MACF1: variants seen among roughly 807,000 people sequenced by gnomAD.
MACF1 encodes the protein microtubule actin crosslinking factor 1.
In MACF1, 193 loss-of-function variants were observed where a neutral mutation model predicts 854.8. The observed-to-expected ratio is 0.23, with a 90% CI of 0.20 to 0.25. MACF1 has a LOEUF of 0.25. Ranked by LOEUF, MACF1 falls within the 10% of genes least tolerant of loss-of-function variation. The pLI, the probability that MACF1 is intolerant of heterozygous loss-of-function variation, is 1.00. For missense variants in MACF1, 7,722 were observed against 8,929.1 expected (o/e 0.86, Z 5.45); for synonymous variants, 3,185 against 3,226.7 (o/e 0.99, Z 0.44).
rs1644433423 is a variant in MACF1, at chr1:39,204,959, G to C, written c.-64G>C. ...AGGACAACAGTAACCTCAGGAGAAA[G>C]GCATCCAGAGGCCTGCGCTGAGCTT... On this transcript the variant is annotated 5_prime_UTR_variant, in exon 1 of 101. Transcript: ENST00000564288. The C allele has an allele frequency of 1.1e-5, 8 of 699,050 alleles. No homozygotes were observed. In the Admixed American group the frequency reaches 1.6e-4, roughly 14 times the overall value. 43.3% of individuals were successfully genotyped at this position (699,050 alleles called of 1,614,324 possible).
chr1:39,412,070 G>T lies in MACF1; in HGVS notation c.15817-10304G>T, dbSNP rs751364498. 2 of 1,613,986 alleles carry T rather than the reference G, an allele frequency of 1.2e-6. 1 individual carries two copies. Among genetic ancestry groups the T allele is most frequent in the South Asian group, 2.2e-5 (2 of 91,078 alleles). The stretch of plus-strand genomic sequence containing the variant: ...TCACTGGAAAAGCTGGACCCAGGAG[G>T]ACTGCTGAACTCTGATCACAGGGTT... On this transcript the variant is annotated intron_variant, in intron 58 of 100. Coordinates refer to ENST00000564288, the MANE Select transcript of MACF1 (RefSeq NM_001394062.1).
intron 1 of MACF1, among the ~76,000 whole-genome samples, chr1:39,222,056 A>G (rs1340838577): frequency 6.6e-6 from 1 of 152,212 alleles, no homozygotes. Flanking sequence ...TGTAATAGCC[A>G]TACTGTTCCC....
intron 2 of MACF1, among the ~76,000 whole-genome samples, chr1:39,180,151 T>C (rs187657634): frequency 3.3e-5 from 5 of 152,270 alleles, no homozygotes; most frequent in Non-Finnish European, 5.9e-5. Flanking sequence ...CAAATTTAAG[T>C]AAAAAGTATT....
chr1:39,147,845 G>A (rs544870113), intron 2 of MACF1, among the ~76,000 whole-genome samples: 29 of 152,240 alleles, frequency 1.9e-4, no homozygotes, highest in African/African-American at 7.0e-4. Context: ...TTGTTTCCTG[G>A]CTAGACTCAC....
chr1:39,295,100 A>G lies in MACF1; in HGVS notation c.2209A>G (p.Thr737Ala), dbSNP rs777688339. ...GGATGTGTTTCGTTCTCTACAAGAT[A>G]CAGCAGAACTACTTTCACTTGAGAA... ...KQDVFRSLQD[T>A]AELLSLENHP... Residue 737 changes from threonine to alanine, a missense_variant, in exon 19 of 101, where the codon ACA (threonine) becomes GCA (alanine). By Grantham distance (58) the Thr-to-Ala change is moderately conservative. Coordinates refer to ENST00000564288, the MANE Select transcript of MACF1 (RefSeq NM_001394062.1). The G allele has an allele frequency of 6.2e-7, 1 of 1,614,156 alleles. No homozygotes were observed. The highest frequency in any genetic ancestry group is 1.1e-5 in the South Asian group (1 of 91,080).
At chr1:39,234,709 T>C (rs1571205566) in intron 2 of MACF1, among the ~76,000 whole-genome samples, 2 of 117,196 alleles carry the variant, frequency 1.7e-5, no homozygotes, top group South Asian at 3.3e-4. Flanking sequence ...ACTTCCCAGA[T>C]GGGGCGGCTG....
chr1:39,442,360 G>C lies in MACF1; in HGVS notation c.18948+40G>C, dbSNP rs780443381. On this transcript the variant is annotated intron_variant, in intron 76 of 100. Coordinates refer to ENST00000564288, the MANE Select transcript of MACF1 (RefSeq NM_001394062.1). Reference sequence around the variant, plus strand: ...AGATGACATCAGTGAACTACTCTCCGCTCTTTTCTAATTTCGTATTGAATA... The same window carrying C: ...AGATGACATCAGTGAACTACTCTCCCCTCTTTTCTAATTTCGTATTGAATA... 1.9e-6 allele frequency: 3 copies of C among 1,604,114 alleles called. No individual in the cohort carries two copies. In the African/African-American group the frequency reaches 4.0e-5, roughly 22 times the overall value.
chr1:39,282,479 T>C, intron 7 of MACF1, 105 bp downstream of exon 7: 1 of 1,243,476 alleles, frequency 8.0e-7, no homozygotes, highest in Non-Finnish European at 1.1e-6. Context: ...ATCAAAGCTT[T>C]GATTCATTTG....
intron 99 of MACF1, 53 bp downstream of exon 99, chr1:39,481,083 C>T: frequency 9.1e-7 from 1 of 1,098,786 alleles, no homozygotes; most frequent in East Asian, 2.6e-5. Context: ...GCCCTCGCTA[C>T]TGGACTTGAC....
At chr1:39,153,056 TG>T in intron 2 of MACF1, among the ~76,000 whole-genome samples, 1 of 152,160 alleles carries the variant, frequency 6.6e-6, no homozygotes, top group East Asian at 1.9e-4. Flanking sequence ...TTGATGGAGT[TG>T]ATGAGAGAAA....
At chr1:39,203,672 A>G (rs1644417623), upstream of MACF1, among the ~76,000 whole-genome samples, 2 of 152,216 alleles carry the variant, frequency 1.3e-5, no homozygotes, top group Non-Finnish European at 2.9e-5. Context: ...TTTTCTAGAA[A>G]GTTATATAAA....
chr1:39,269,235 C>T (rs1557554338), intron 6 of MACF1: 1 of 1,289,924 alleles, frequency 7.8e-7, no homozygotes, highest in African/African-American at 1.5e-5. Context: ...TGTGTTGCTG[C>T]CTTTGCAAGG....
chr1:39,256,499 A>G (rs1329182323), intron 5 of MACF1, among the ~76,000 whole-genome samples: 1 of 152,198 alleles, frequency 6.6e-6, no homozygotes, highest in Admixed American at 6.5e-5. Context: ...GGTCCTCTGG[A>G]GACACACAAG....
chr1:39,268,708 C>A (rs999257907), intron 6 of MACF1: 29 of 1,278,138 alleles, frequency 2.3e-5, no homozygotes, highest in Non-Finnish European at 2.9e-5. Flanking sequence ...ATGGGAAATT[C>A]ACTGGGCTGT....
chr1:39,467,752 G>A (rs150744693), intron 95 of MACF1: 1 of 152,282 alleles, frequency 6.6e-6, no homozygotes, highest in Non-Finnish European at 1.5e-5. Context: ...AAACTTTTCT[G>A]CTGGTGACAC....
At chr1:39,137,927 A>C (rs1007783236) in intron 2 of MACF1, among the ~76,000 whole-genome samples, 1 of 151,990 alleles carries the variant, frequency 6.6e-6, no homozygotes, top group Non-Finnish European at 1.5e-5. Flanking sequence ...TACAGAAATT[A>C]GCCGGGCATG....
In MACF1 at chr1:39,333,287, A is replaced by G. The variant is rs771626175; in HGVS notation, c.6699A>G (p.Thr2233=). The G allele has an allele frequency of 1.2e-6, 2 of 1,614,110 alleles. No individual in the cohort carries two copies. The highest frequency in any genetic ancestry group is 1.1e-5 in the South Asian group (1 of 91,070). The change falls in exon 37 of 101, where the codon ACA becomes ACG. Residue 2233 remains threonine (T), a synonymous_variant. Coordinates refer to ENST00000564288, the MANE Select transcript of MACF1 (RefSeq NM_001394062.1). ...PLDKKEMLKK[T]FLAKDDHKES... The stretch of plus-strand genomic sequence containing the variant: ...ACAAAAAGGAAATGTTAAAGAAAAC[A>G]TTTCTGGCTAAGGATGACCATAAAG...
intron 68 of MACF1, 100 bp downstream of exon 68, chr1:39,433,255 G>T (rs1334168352): frequency 1.6e-6 from 1 of 641,540 alleles, no homozygotes; most frequent in Non-Finnish European, 2.6e-6. Flanking sequence ...TTCCCTCCTG[G>T]ACTTTTCTTA....
chr1:39,123,709 CTTGTTTTGTTTTT>C (rs1352957641), intron 2 of MACF1, among the ~76,000 whole-genome samples: 10 of 94,466 alleles, frequency 1.1e-4, no homozygotes, highest in Non-Finnish European at 2.0e-4. Flanking sequence ...CCGGCTAATT[CTTGTTTTGTTTTT>C]TTTTTTTTTT....
Sources: gnomAD v4.1 joint callset for allele counts (sites outside exome capture counted in the v4.1 genomes callset) on GRCh38, gnomAD v4.1.1 for gene constraint, MANE v1.5 for transcripts, NCBI Gene and HGNC (gene_info 2026-07-23, HGNC 2026-07-21) for gene names.